Variants in GPC5 observed in about 807,000 individuals in gnomAD.
GPC5 encodes glypican 5, also known as glypican-5.
A neutral mutation model predicts 53.9 loss-of-function variants in GPC5; 47 were observed. The ratio of observed to expected loss-of-function variants is 0.87; its 90% CI spans 0.69 to 1.11. GPC5 has a LOEUF of 1.11. GPC5 is among the 50% of genes most tolerant of loss of function. GPC5 has a pLI of 0.00. For synonymous variants in GPC5, 286 were observed against 263.3 expected (o/e 1.09, Z -0.84); for missense variants, 748 against 713.1 (o/e 1.05, Z -0.56).
chr13:92,087,072 G>T (rs2041341768), intron 6 of GPC5, among the ~76,000 whole-genome samples: 1 of 152,200 alleles, frequency 6.6e-6, no homozygotes, highest in South Asian at 2.1e-4. Context: ...AAATGCAACT[G>T]TTCAAACACA....
rs186109745 is a variant in GPC5 at position 91,789,470 on chromosome 13, T to C, written c.1280+33050T>C. Reference sequence around the variant, plus strand: ...AGAAAATAAAAACAATTTTTCCATATAATTGGAACTAAAAACACACAGTTA... The same window carrying C: ...AGAAAATAAAAACAATTTTTCCATACAATTGGAACTAAAAACACACAGTTA... On this transcript the variant is annotated intron_variant, in intron 5 of 7. Transcript: ENST00000377067. Among the ~76,000 whole-genome samples the C allele has an allele frequency of 1.4e-3, 215 of 152,302 alleles. 1 individual carries two copies. The Middle Eastern group carries it at 0.037, about 27-fold the overall frequency.
intron 5 of GPC5, among the ~76,000 whole-genome samples, chr13:91,830,752 A>G (rs2038642491): frequency 7.0e-6 from 1 of 142,062 alleles, no homozygotes. Context: ...ATAAATATAC[A>G]CATATATATA....
intron 2 of GPC5, among the ~76,000 whole-genome samples, chr13:91,528,125 A>C (rs1167012347): frequency 6.6e-6 from 1 of 152,210 alleles, no homozygotes; most frequent in Non-Finnish European, 1.5e-5. Flanking sequence ...ATTTCTCCCC[A>C]GAAAATGGGT....
chr13:92,742,962 C>G lies in GPC5; in HGVS notation c.1562-123320C>G, dbSNP rs1296699302. 4.6e-5 allele frequency among the ~76,000 whole-genome samples: 7 copies of G among 152,144 alleles called. No individual in the cohort carries two copies. In the South Asian group the frequency reaches 1.5e-3, roughly 32 times the overall value. On this transcript the variant is annotated intron_variant, in intron 7 of 7. Coordinates refer to ENST00000377067, the MANE Select transcript of GPC5 (RefSeq NM_004466.6). ...CTATATCTCTGTTTTGGTACCAGTA[C>G]CATGCTGTTTTCATTACTGTAGCCT...
intron 7 of GPC5, among the ~76,000 whole-genome samples, chr13:92,359,347 A>G (rs906469540): frequency 6.6e-5 from 10 of 151,658 alleles, no homozygotes; most frequent in Non-Finnish European, 1.5e-4. Context: ...TATTGTCCAT[A>G]TCACTATCAG....
intron 2 of GPC5, among the ~76,000 whole-genome samples, chr13:91,469,644 A>G (rs1882482502): frequency 6.6e-6 from 1 of 152,140 alleles, no homozygotes; most frequent in Non-Finnish European, 1.5e-5. Flanking sequence ...CAAAGGTTAT[A>G]TATTTTTTCT....
intron 2 of GPC5, among the ~76,000 whole-genome samples, chr13:91,520,099 T>A (rs1049019727): frequency 1.3e-5 from 2 of 152,096 alleles, no homozygotes; most frequent in South Asian, 4.1e-4. Context: ...CTGGAAATAG[T>A]GGAACCATAA....
chr13:91,436,569 T>C (rs1317560253), intron 1 of GPC5, among the ~76,000 whole-genome samples: 3 of 152,226 alleles, frequency 2.0e-5, no homozygotes, highest in Non-Finnish European at 4.4e-5. Context: ...TTATAATTTC[T>C]GTTCTTTTAC....
intron 7 of GPC5, among the ~76,000 whole-genome samples, chr13:92,208,099 A>C (rs2042350369): frequency 6.6e-6 from 1 of 152,188 alleles, no homozygotes; most frequent in South Asian, 2.1e-4. Flanking sequence ...CGTTCTCTGC[A>C]TTCCTGCAGC....
intron 6 of GPC5, among the ~76,000 whole-genome samples, chr13:92,098,162 A>G (rs1466150693): frequency 6.6e-6 from 1 of 151,146 alleles, no homozygotes; most frequent in Non-Finnish European, 1.5e-5. Context: ...TCCCTCACAC[A>G]CTCCACCCTC....
chr13:91,576,019 A>G (rs1273219306), intron 2 of GPC5, among the ~76,000 whole-genome samples: 4 of 152,130 alleles, frequency 2.6e-5, no homozygotes, highest in Non-Finnish European at 5.9e-5. Flanking sequence ...ATAATGTCAG[A>G]ATATGAAAGA....
intron 6 of GPC5, among the ~76,000 whole-genome samples, chr13:92,138,511 C>T (rs2041803324): frequency 6.8e-6 from 1 of 146,450 alleles, no homozygotes. Context: ...CAGAGCCAGA[C>T]TCCATCTCAA....
At chr13:92,198,063 G>A (rs1256617807) in intron 7 of GPC5, among the ~76,000 whole-genome samples, 1 of 152,058 alleles carries the variant, frequency 6.6e-6, no homozygotes, top group African/African-American at 2.4e-5. Context: ...TATCTTCTCA[G>A]TCTAAAGTCA....
intron 2 of GPC5, among the ~76,000 whole-genome samples, chr13:91,624,148 AAGG>A (rs1357559316): frequency 6.6e-6 from 1 of 152,120 alleles, no homozygotes; most frequent in Non-Finnish European, 1.5e-5. Context: ...AACTAAATAA[AAGG>A]AGTTCTACCA....
chr13:92,147,436 T>A (rs532658107), intron 7 of GPC5, among the ~76,000 whole-genome samples: 2 of 151,922 alleles, frequency 1.3e-5, no homozygotes, highest in East Asian at 1.9e-4. Flanking sequence ...TTATAGGAAG[T>A]TTTTTACTTC....
At chr13:91,828,855 C>T (rs2138850031) in intron 5 of GPC5, among the ~76,000 whole-genome samples, 1 of 151,720 alleles carries the variant, frequency 6.6e-6, no homozygotes, top group Non-Finnish European at 1.5e-5. Context: ...AAAAAATGTA[C>T]AAAAAAGAAG....
chr13:91,793,278 T>C (rs2037997106), intron 5 of GPC5, among the ~76,000 whole-genome samples: 1 of 152,076 alleles, frequency 6.6e-6, no homozygotes, highest in Admixed American at 6.6e-5. Flanking sequence ...TTATTCACTA[T>C]CACAAGAACA....
At chr13:91,756,251 T>G (rs3783054) in intron 4 of GPC5, 44 bp from the exon 5 acceptor site, 573,005 of 1,414,692 alleles carry the variant, frequency 0.41, 122,657 homozygotes, top group East Asian at 0.64. Context: ...TGGCCTTTAT[T>G]GTGGATGTTT....
At chr13:92,227,329 G>A (rs2042495204) in intron 7 of GPC5, among the ~76,000 whole-genome samples, 2 of 152,134 alleles carry the variant, frequency 1.3e-5, no homozygotes, top group African/African-American at 4.8e-5. Context: ...ACCCAATGTG[G>A]CCATAGGATT....
Sources: gnomAD v4.1 joint callset for allele counts (sites outside exome capture counted in the v4.1 genomes callset) on GRCh38, gnomAD v4.1.1 for gene constraint, MANE v1.5 for transcripts, NCBI Gene and HGNC (gene_info 2026-07-23, HGNC 2026-07-21) for gene names.